RASA3: variants seen among roughly 807,000 people sequenced by gnomAD.
RASA3 encodes ras GTPase-activating protein 3.
In RASA3, 73 loss-of-function variants were observed where a neutral mutation model predicts 110.0. The observed-to-expected ratio is 0.66, with a 90% CI of 0.55 to 0.81. RASA3 has a LOEUF of 0.81. Among genes scored for constraint, RASA3 ranks in the 30% least tolerant of loss-of-function variants. The pLI, the probability that RASA3 is intolerant of heterozygous loss-of-function variation, is 0.00. For synonymous variants in RASA3, 500 were observed against 451.4 expected (o/e 1.11, Z -1.37); for missense variants, 976 against 1,113.2 (o/e 0.88, Z 1.75).
At chr13:114,028,922 G>A (rs1426868868) in intron 5 of RASA3, among the ~76,000 whole-genome samples, 2 of 26,294 alleles carry the variant, frequency 7.6e-5, no homozygotes, top group Non-Finnish European at 1.4e-4. Flanking sequence ...CCTCTAAAAC[G>A]GCATCATCCT....
chr13:114,035,158 G>A (rs2054256442), intron 4 of RASA3, among the ~76,000 whole-genome samples: 2 of 152,218 alleles, frequency 1.3e-5, no homozygotes, highest in South Asian at 2.1e-4. Context: ...AAGTCAGATC[G>A]GAAACCAATA....
chr13:114,074,416 C>T (rs965929360), intron 1 of RASA3, among the ~76,000 whole-genome samples: 6 of 152,228 alleles, frequency 3.9e-5, no homozygotes, highest in African/African-American at 1.2e-4. Context: ...AGCAAATGTC[C>T]TCCAGGGTGG....
At chr13:114,019,012 T>G in intron 9 of RASA3, 93 bp from the exon 10 acceptor site, 30 of 1,463,364 alleles carry the variant, frequency 2.1e-5, no homozygotes, top group Non-Finnish European at 2.6e-5. Context: ...TGAGGTCGAC[T>G]GGTCAGGAGG....
chr13:114,030,520 A>AGCAAGACTCACACAGAGG (rs1566502054), intron 4 of RASA3, among the ~76,000 whole-genome samples: 8 of 97,724 alleles, frequency 8.2e-5, no homozygotes, highest in African/African-American at 2.1e-4. Context: ...TCACACAGAG[A>AGCAAGACTCACACAGAGG]GCAAGACTCA....
chr13:113,992,289 A>T (rs2053137277), intron 22 of RASA3, among the ~76,000 whole-genome samples, 196 bp downstream of exon 22: 1 of 152,274 alleles, frequency 6.6e-6, no homozygotes, highest in African/African-American at 2.4e-5. Flanking sequence ...CCTATTATAC[A>T]GGTAATTGTC....
intron 1 of RASA3, among the ~76,000 whole-genome samples, chr13:114,105,198 G>T (rs977356981): frequency 2.2e-4 from 34 of 152,120 alleles, no homozygotes; most frequent in African/African-American, 7.5e-4. Context: ...GAGGAGGGCA[G>T]GTCCGGGACT....
At chr13:114,108,387 C>T in intron 1 of RASA3, among the ~76,000 whole-genome samples, 1 of 115,246 alleles carries the variant, frequency 8.7e-6, no homozygotes, top group Admixed American at 8.8e-5. Context: ...CCCCATCCGT[C>T]ACCCCATGTC....
chr13:114,120,792 G>A (rs2080366330), intron 1 of RASA3, among the ~76,000 whole-genome samples: 2 of 152,250 alleles, frequency 1.3e-5, no homozygotes, highest in Non-Finnish European at 2.9e-5. Context: ...CTGACTTCCT[G>A]TCACCAGGCA....
chr13:114,049,690 G>T (rs1406581802), intron 3 of RASA3, among the ~76,000 whole-genome samples: 1 of 152,220 alleles, frequency 6.6e-6, no homozygotes, highest in Non-Finnish European at 1.5e-5. Context: ...GCTGAGCCCC[G>T]CCAGATACAC....
chr13:113,995,370 G>T (rs1408443120), intron 21 of RASA3, among the ~76,000 whole-genome samples: 2 of 152,258 alleles, frequency 1.3e-5, no homozygotes, highest in Non-Finnish European at 2.9e-5. Flanking sequence ...CTGTGTCCAC[G>T]AAGCAGGATC....
In RASA3 at chr13:114,018,938, T is replaced by C. The variant is rs1952673124; in HGVS notation, c.786-19A>G. On this transcript the variant is annotated intron_variant, in intron 9 of 23. Transcript: ENST00000334062. Reference sequence around the variant, plus strand: ...GAAGTACCTGGGTGGGAGGGACACATGGAGGGGAGGCATGAGGCTGCATCT... The same window carrying C: ...GAAGTACCTGGGTGGGAGGGACACACGGAGGGGAGGCATGAGGCTGCATCT... 1.2e-6 allele frequency: 2 copies of C among 1,612,638 alleles called. No homozygotes were observed. Among genetic ancestry groups the C allele is most frequent in the African/African-American group, 1.3e-5 (1 of 74,868 alleles).
chr13:114,041,152 TG>T, intron 3 of RASA3, 58 bp from the exon 4 acceptor site: 2 of 1,453,658 alleles, frequency 1.4e-6, no homozygotes, highest in Non-Finnish European at 1.9e-6. Flanking sequence ...CCAGGACGCC[TG>T]TGAGCAGAAG....
Position 114,018,894 on chromosome 13 carries a change from C to T in RASA3, c.811G>A (p.Gly271Ser). 1 of 1,613,864 alleles carries T rather than the reference C, an allele frequency of 6.2e-7. No homozygotes were observed. The highest frequency in any genetic ancestry group is 8.5e-7 in the Non-Finnish European group (1 of 1,179,962). Residue 271 changes from glycine to serine, a missense_variant, in exon 10 of 24, where the codon GGT becomes AGT. Gly to Ser is a moderately conservative substitution (Grantham distance 56). Around this residue, in one of 4 missense-constraint regions of RASA3, gnomAD observed 732 missense variants for 779.7 expected, o/e 0.94. Coordinates refer to ENST00000334062, the MANE Select transcript of RASA3 (RefSeq NM_007368.4). ...AWYFLQPRDNGSKSLKPDDLG... is the reference protein window; with the variant it reads ...AWYFLQPRDNSSKSLKPDDLG... ...TCGTCTGGCTTTAGGCTCTTGCTAC[C>T]ATTGTCCCGGGGCTGGAGGAAGTAC...
At chr13:114,069,405 G>A (rs1332227739) in intron 2 of RASA3, among the ~76,000 whole-genome samples, 1 of 137,388 alleles carries the variant, frequency 7.3e-6, no homozygotes, top group Non-Finnish European at 1.6e-5. Context: ...AGGTGACACT[G>A]ACCTTGGAGG....
Position 114,018,656 on chromosome 13 carries a change from C to A in RASA3, c.942+107G>T, listed in dbSNP as rs1411867490. ...GCCAGGCTGGGAGGCGTGGGAAAGGCCCCCTCAGGGAGAAGGTGCCCTCTG... is the reference window on the plus strand; with the variant it reads ...GCCAGGCTGGGAGGCGTGGGAAAGGACCCCTCAGGGAGAAGGTGCCCTCTG... On this transcript the variant is annotated intron_variant, in intron 10 of 23. Coordinates refer to ENST00000334062, the MANE Select transcript of RASA3 (RefSeq NM_007368.4). 24 of 1,384,328 alleles carry A rather than the reference C, an allele frequency of 1.7e-5. No individual in the cohort carries two copies. The South Asian group carries it at 1.9e-4, about 11-fold the overall frequency. 85.8% of individuals were successfully genotyped at this position (1,384,328 alleles called of 1,614,324 possible).
In RASA3 at chr13:113,979,331, G is replaced by A. The variant is rs770379543; in HGVS notation, c.*16C>T. On this transcript the variant is annotated 3_prime_UTR_variant, in exon 24 of 24. Transcript: ENST00000334062. The stretch of plus-strand genomic sequence containing the variant: ...ATGGGCAGCTTGCTGGCGCCACTGG[G>A]CGCGTCCCGCAGACTTTAAATGGAA... 6.4e-7 allele frequency: 1 copy of A among 1,570,468 alleles called. No individual in the cohort carries two copies. The highest frequency in any genetic ancestry group is 8.8e-7 in the Non-Finnish European group (1 of 1,140,644).
At chr13:114,061,299 C>G (rs1156546352) in intron 2 of RASA3, among the ~76,000 whole-genome samples, 1 of 152,114 alleles carries the variant, frequency 6.6e-6, no homozygotes, top group African/African-American at 2.4e-5. Context: ...TTCTTCAGGT[C>G]TCTTGATGTT....
intron 4 of RASA3, among the ~76,000 whole-genome samples, chr13:114,031,401 CTG>C (rs2054165899): frequency 6.6e-6 from 1 of 151,306 alleles, no homozygotes; most frequent in African/African-American, 2.4e-5. Context: ...GTGCAAGCAG[CTG>C]TGTGTGCATC....
At chr13:114,032,858 G>A (rs12019973) in intron 4 of RASA3, among the ~76,000 whole-genome samples, 7 of 90,662 alleles carry the variant, frequency 7.7e-5, no homozygotes, top group Non-Finnish European at 1.1e-4. Context: ...CACGTTCCAC[G>A]GCACCCCCAC....
Sources: allele counts gnomAD v4.1 joint callset (sites outside exome capture counted in the v4.1 genomes callset), GRCh38; gene constraint gnomAD v4.1.1; regional missense constraint gnomAD v4.1.1; transcripts MANE v1.5; gene names NCBI Gene and HGNC (gene_info 2026-07-23, HGNC 2026-07-21).